The following MSI2 variants were observed in gnomAD, a reference collection of about 807,000 sequenced individuals.
MSI2 encodes musashi RNA binding protein 2.
Under a neutral mutation model 45.6 loss-of-function variants are expected in MSI2, and 17 were observed. The ratio of observed to expected loss-of-function variants is 0.37; its 90% CI spans 0.26 to 0.56. The LOEUF (loss-of-function observed/expected upper bound fraction) is 0.56, where lower values mean the gene tolerates loss of function less well. MSI2 is among the 20% of genes least tolerant of loss of function. The pLI is 0.77. For synonymous variants in MSI2, 156 were observed against 158.2 expected (o/e 0.99, Z 0.11); for missense variants, 293 against 444.2 (o/e 0.66, Z 3.06).
chr17:57,474,691 GT>G (rs985926266), intron 6 of MSI2, among the ~76,000 whole-genome samples: 4 of 135,956 alleles, frequency 2.9e-5, no homozygotes, highest in African/African-American at 1.1e-4. Flanking sequence ...TTTGTGTACT[GT>G]TTTTTTGTTG....
rs1440830971 is a variant in MSI2 at position 57,504,750 on chromosome 17, G to A, written c.406-24926G>A. Reference sequence around the variant, plus strand: ...GTTCGAGACCAGCCTGACCAACACGGTGAAACCCCGAATCTACTAAAAATA... The same window carrying A: ...GTTCGAGACCAGCCTGACCAACACGATGAAACCCCGAATCTACTAAAAATA... On this transcript the variant is annotated intron_variant, in intron 6 of 13. Transcript: ENST00000284073. Among the ~76,000 whole-genome samples the A allele has an allele frequency of 2.0e-5, 3 of 152,070 alleles. No homozygotes were observed. The East Asian group carries it at 5.8e-4, about 29-fold the overall frequency.
At chr17:57,289,125 G>T (rs1910174516) in intron 5 of MSI2, among the ~76,000 whole-genome samples, 1 of 152,224 alleles carries the variant, frequency 6.6e-6, no homozygotes, top group Non-Finnish European at 1.5e-5. Context: ...GCAGGAAAGT[G>T]CCTGGAGAGA....
At chr17:57,469,205 C>T (rs2143673094) in intron 6 of MSI2, among the ~76,000 whole-genome samples, 1 of 152,352 alleles carries the variant, frequency 6.6e-6, no homozygotes, top group South Asian at 2.1e-4. Context: ...TCTGCCTCAT[C>T]TTCTAGCTCC....
chr17:57,614,335 G>GAGCC (rs1907470283), intron 8 of MSI2, among the ~76,000 whole-genome samples: 1 of 152,198 alleles, frequency 6.6e-6, no homozygotes, highest in South Asian at 2.1e-4. Context: ...TTACAGGTGT[G>GAGCC]AGCCACCACG....
In MSI2 at chr17:57,388,207, CCT is replaced by C. The variant is rs760800489; in HGVS notation, c.313-13165_313-13164del. ...AGAGACTTGCTCATGATGATTTTGG[CCT>C]CTCTCTTTTACTACAAGCCTTTCTT... On this transcript the variant is annotated intron_variant, in intron 5 of 13. Coordinates refer to ENST00000284073, the MANE Select transcript of MSI2 (RefSeq NM_138962.4). 5.9e-5 allele frequency among the ~76,000 whole-genome samples: 9 copies of C among 152,290 alleles called. No individual in the cohort carries two copies. The East Asian group carries it at 1.7e-3, about 29-fold the overall frequency.
intron 11 of MSI2, among the ~76,000 whole-genome samples, chr17:57,666,001 C>T (rs909391244): frequency 4.6e-5 from 7 of 152,070 alleles, no homozygotes; most frequent in African/African-American, 1.7e-4. Flanking sequence ...GAACCCCCAC[C>T]GTGATGGAAG....
At chr17:57,670,778 C>A (rs557883489) in intron 11 of MSI2, among the ~76,000 whole-genome samples, 36 of 152,324 alleles carry the variant, frequency 2.4e-4, no homozygotes, top group African/African-American at 8.4e-4. Context: ...CCTAAATCTG[C>A]ATGTGGTACC....
At chr17:57,262,800 A>G (rs1598041394) in intron 5 of MSI2, among the ~76,000 whole-genome samples, 1 of 152,224 alleles carries the variant, frequency 6.6e-6, no homozygotes, top group Admixed American at 6.5e-5. Context: ...GAGTGGCACT[A>G]CAAGACTTGC....
chr17:57,502,632 T>TC (rs373122489), intron 6 of MSI2, among the ~76,000 whole-genome samples: 1 of 127,612 alleles, frequency 7.8e-6, no homozygotes, highest in African/African-American at 2.9e-5. Flanking sequence ...TATATATATA[T>TC]ATATAGTCAT....
At chr17:57,597,463 T>C (rs1905357918) in intron 8 of MSI2, among the ~76,000 whole-genome samples, 1 of 49,174 alleles carries the variant, frequency 2.0e-5, no homozygotes. Flanking sequence ...AGACCTCATC[T>C]CTTAAAAAAA....
chr17:57,526,406 T>TGTGA (rs1263115683), intron 6 of MSI2, among the ~76,000 whole-genome samples: 16 of 120,906 alleles, frequency 1.3e-4, no homozygotes, highest in Non-Finnish European at 2.6e-4. Context: ...TGTGTGTGTG[T>TGTGA]GTGACAGAGA....
intron 10 of MSI2, chr17:57,629,906 G>A (rs1411519682): frequency 6.6e-6 from 1 of 152,436 alleles, no homozygotes; most frequent in East Asian, 1.9e-4. Flanking sequence ...CTAGTCCCAG[G>A]AGGACAGAGT....
chr17:57,606,979 G>A (rs889169718), intron 8 of MSI2, among the ~76,000 whole-genome samples: 1 of 152,018 alleles, frequency 6.6e-6, no homozygotes, highest in African/African-American at 2.4e-5. Context: ...TTCTGACTGT[G>A]CTTTGTGACC....
At chr17:57,365,709 A>T (rs1264263003) in intron 5 of MSI2, among the ~76,000 whole-genome samples, 1 of 152,178 alleles carries the variant, frequency 6.6e-6, no homozygotes, top group East Asian at 1.9e-4. Context: ...AGATAGTGTG[A>T]GAAAGGCTGG....
In MSI2 at chr17:57,546,408, A is replaced by G. The variant is rs2087169232; in HGVS notation, c.454+16684A>G. Among the ~76,000 whole-genome samples the G allele has an allele frequency of 2.6e-5, 4 of 152,230 alleles. No individual in the cohort carries two copies. The South Asian group carries it at 8.3e-4, about 32-fold the overall frequency. On this transcript the variant is annotated intron_variant, in intron 7 of 13. Coordinates refer to ENST00000284073, the MANE Select transcript of MSI2 (RefSeq NM_138962.4). ...GATTCTCCTTAATTACTGTGATGCT[A>G]ATAAAAACGAACAAATGATTTAATG...
At chr17:57,641,109 C>T (rs1274904554) in intron 10 of MSI2, among the ~76,000 whole-genome samples, 3 of 152,222 alleles carry the variant, frequency 2.0e-5, no homozygotes, top group Non-Finnish European at 4.4e-5. Flanking sequence ...TCCCTGACTG[C>T]TCCACAGTCT....
intron 11 of MSI2, among the ~76,000 whole-genome samples, chr17:57,667,577 C>G (rs1172725937): frequency 6.6e-6 from 1 of 152,206 alleles, no homozygotes; most frequent in African/African-American, 2.4e-5. Flanking sequence ...CTTTCCCTTC[C>G]CGGGGCCCTC....
chr17:57,679,047 T>G (rs563979821), intron 13 of MSI2, among the ~76,000 whole-genome samples: 8 of 152,364 alleles, frequency 5.3e-5, no homozygotes, highest in African/African-American at 1.9e-4. Flanking sequence ...ACCTTTAGTT[T>G]TTGGTATATG....
At chr17:57,284,769 C>T (rs957190300) in intron 5 of MSI2, among the ~76,000 whole-genome samples, 2 of 152,148 alleles carry the variant, frequency 1.3e-5, no homozygotes, top group Non-Finnish European at 2.9e-5. Context: ...GCGTCATCTG[C>T]CCCCATTGGG....
Sources: gnomAD v4.1 joint callset for allele counts (sites outside exome capture counted in the v4.1 genomes callset) on GRCh38, gnomAD v4.1.1 for gene constraint, MANE v1.5 for transcripts, NCBI Gene and HGNC (gene_info 2026-07-23, HGNC 2026-07-21) for gene names.